Variants in LCLAT1 observed in about 807,000 individuals in gnomAD.
LCLAT1 encodes the protein 1-AGP acyltransferase 8.
In LCLAT1, 11 loss-of-function variants were observed where a neutral mutation model predicts 30.7. That is an observed-to-expected ratio of 0.36 (90% CI 0.23 to 0.59). The LOEUF (loss-of-function observed/expected upper bound fraction) is 0.59. Among genes scored for constraint, LCLAT1 ranks in the 20% least tolerant of loss-of-function variants. The pLI, the probability that LCLAT1 is intolerant of heterozygous loss-of-function variation, is 0.77. For synonymous variants in LCLAT1, 155 were observed against 151.3 expected (o/e 1.02, Z -0.18); for missense variants, 402 against 458.6 (o/e 0.88, Z 1.13).
intron 1 of LCLAT1, among the ~76,000 whole-genome samples, chr2:30,524,403 T>C (rs1685612845): frequency 6.6e-6 from 1 of 152,264 alleles, no homozygotes; most frequent in African/African-American, 2.4e-5. Context: ...CAATGTACTC[T>C]GCTAACTTGT....
chr2:30,588,469 C>A (rs1304803680), intron 5 of LCLAT1, among the ~76,000 whole-genome samples: 2 of 152,198 alleles, frequency 1.3e-5, no homozygotes, highest in Non-Finnish European at 2.9e-5. Flanking sequence ...AAAATTTATA[C>A]TGCAGATATT....
At chr2:30,524,018 T>TA (rs1200903398) in intron 1 of LCLAT1, among the ~76,000 whole-genome samples, 2 of 152,216 alleles carry the variant, frequency 1.3e-5, no homozygotes, top group African/African-American at 4.8e-5. Context: ...TCTTTTAAAA[T>TA]ATTCAGAGGT....
In LCLAT1 at chr2:30,630,528, T is replaced by C. The variant is rs190373204; in HGVS notation, c.629-9589T>C. 2.7e-3 allele frequency among the ~76,000 whole-genome samples: 410 copies of C among 152,346 alleles called. 1 individual carries two copies. Among genetic ancestry groups the C allele is most frequent in the Middle Eastern group, 0.02 (6 of 294 alleles). On this transcript the variant is annotated intron_variant, in intron 5 of 5. Coordinates refer to ENST00000379509, the MANE Select transcript of LCLAT1 (RefSeq NM_001002257.3). ...CTATAGTAACTTCTATTACCTTTTG[T>C]AATAAGGGAAATATTTTTTGAATTC...
intron 5 of LCLAT1, among the ~76,000 whole-genome samples, chr2:30,591,069 T>TA (rs1288358858): frequency 2.0e-5 from 3 of 152,126 alleles, no homozygotes; most frequent in Non-Finnish European, 4.4e-5. Flanking sequence ...AACTAAATGT[T>TA]ATAGCTATTG....
At chr2:30,550,044 G>A (rs1239113022) in intron 3 of LCLAT1, among the ~76,000 whole-genome samples, 1 of 152,086 alleles carries the variant, frequency 6.6e-6, no homozygotes, top group Non-Finnish European at 1.5e-5. Context: ...AAGTAATATG[G>A]TATAGTAAGC....
At chr2:30,520,058 AAC>A (rs1482223014) in intron 1 of LCLAT1, among the ~76,000 whole-genome samples, 1 of 152,156 alleles carries the variant, frequency 6.6e-6, no homozygotes, top group African/African-American at 2.4e-5. Flanking sequence ...ACTCGAGCTG[AAC>A]ACTTGTCTCT....
chr2:30,510,509 G>A (rs903682185), intron 1 of LCLAT1, among the ~76,000 whole-genome samples: 5 of 152,112 alleles, frequency 3.3e-5, no homozygotes, highest in Non-Finnish European at 5.9e-5. Flanking sequence ...TTTGTGGAAC[G>A]TTCTTTGTCT....
At chr2:30,459,410 C>T in intron 1 of LCLAT1, 1 of 548,028 alleles carries the variant, frequency 1.8e-6, no homozygotes, top group Non-Finnish European at 3.2e-6. Context: ...CTGAGTTGCC[C>T]TGTGCATTAA....
chr2:30,581,142 C>G (rs1666198276), intron 5 of LCLAT1, among the ~76,000 whole-genome samples: 1 of 152,100 alleles, frequency 6.6e-6, no homozygotes, highest in South Asian at 2.1e-4. Context: ...AAGAGCATTG[C>G]TGAGCTCTCA....
chr2:30,518,237 G>T (rs1395486168), intron 1 of LCLAT1, among the ~76,000 whole-genome samples: 1 of 152,148 alleles, frequency 6.6e-6, no homozygotes, highest in Non-Finnish European at 1.5e-5. Context: ...TTCCTAACGG[G>T]ATTTAAATCT....
At chr2:30,489,865 C>G (rs1188388864) in intron 1 of LCLAT1, among the ~76,000 whole-genome samples, 1 of 152,220 alleles carries the variant, frequency 6.6e-6, no homozygotes, top group Non-Finnish European at 1.5e-5. Context: ...ATGCAAAAAA[C>G]TGGTTACGCT....
At chr2:30,484,308 A>T (rs1332435919) in intron 1 of LCLAT1, among the ~76,000 whole-genome samples, 1 of 152,172 alleles carries the variant, frequency 6.6e-6, no homozygotes, top group African/African-American at 2.4e-5. Flanking sequence ...GGAGTTCTAA[A>T]AATATTATAA....
chr2:30,545,349 A>AT (rs908468263), intron 3 of LCLAT1, among the ~76,000 whole-genome samples: 115 of 151,064 alleles, frequency 7.6e-4, no homozygotes, highest in Non-Finnish European at 1.3e-3. Context: ...TGCTATGCGC[A>AT]TTTTTTTTTC....
At chr2:30,585,497 A>G (rs1666395550) in intron 5 of LCLAT1, among the ~76,000 whole-genome samples, 1 of 152,180 alleles carries the variant, frequency 6.6e-6, no homozygotes, top group Non-Finnish European at 1.5e-5. Flanking sequence ...TGCCAGTTCC[A>G]TGATCTCCTC....
At chr2:30,622,385 C>G (rs1668302157) in intron 5 of LCLAT1, among the ~76,000 whole-genome samples, 1 of 152,244 alleles carries the variant, frequency 6.6e-6, no homozygotes, top group Admixed American at 6.5e-5. Flanking sequence ...CTCCTACCAC[C>G]TGAGAAACCC....
intron 1 of LCLAT1, among the ~76,000 whole-genome samples, chr2:30,507,210 GAT>G (rs1184765486): frequency 7.0e-6 from 1 of 142,684 alleles, no homozygotes; most frequent in Admixed American, 7.6e-5. Flanking sequence ...AAAGTTGTCT[GAT>G]ATATTTGTTT....
intron 5 of LCLAT1, among the ~76,000 whole-genome samples, chr2:30,612,519 T>C (rs1290432930): frequency 1.3e-5 from 2 of 152,192 alleles, no homozygotes; most frequent in East Asian, 3.9e-4. Context: ...GTATATCCTC[T>C]GAAACATTAT....
At chr2:30,622,094 T>A (rs1668283004) in intron 5 of LCLAT1, among the ~76,000 whole-genome samples, 2 of 151,698 alleles carry the variant, frequency 1.3e-5, no homozygotes, top group African/African-American at 4.8e-5. Context: ...ACGGCAAGAG[T>A]GAGACCAGCC....
chr2:30,509,201 T>C (rs1684821342), intron 1 of LCLAT1, among the ~76,000 whole-genome samples: 2 of 152,220 alleles, frequency 1.3e-5, no homozygotes, highest in Non-Finnish European at 2.9e-5. Flanking sequence ...TATAGGTTCA[T>C]GTCATCTGCA....
Sources: allele counts gnomAD v4.1 joint callset (sites outside exome capture counted in the v4.1 genomes callset), GRCh38; gene constraint gnomAD v4.1.1; transcripts MANE v1.5; gene names NCBI Gene and HGNC (gene_info 2026-07-23, HGNC 2026-07-21).